Variants in PRKCI observed in about 807,000 individuals in gnomAD.
PRKCI encodes protein kinase C iota type.
PRKCI carries 43 observed loss-of-function variants against 84.0 expected under a neutral mutation model. The observed-to-expected ratio is 0.51, with a 90% CI of 0.40 to 0.66. The LOEUF (loss-of-function observed/expected upper bound fraction) is 0.66, where lower values mean the gene tolerates loss of function less well. Among genes scored for constraint, PRKCI ranks in the 30% least tolerant of loss-of-function variants. The pLI is 0.00. For synonymous variants in PRKCI, 216 were observed against 234.4 expected, an observed-to-expected ratio of 0.92 and a Z score of 0.72; for missense variants, 459 against 745.6, an observed-to-expected ratio of 0.62 and a Z score of 4.48.
chr3:170,254,353 G>A (rs969027781), intron 2 of PRKCI, among the ~76,000 whole-genome samples: 1 of 152,048 alleles, frequency 6.6e-6, no homozygotes, highest in Non-Finnish European at 1.5e-5. Context: ...CTGTGATTGC[G>A]GGGTGCTACT....
chr3:170,232,676 C>T (rs899475688), intron 1 of PRKCI, among the ~76,000 whole-genome samples: 11 of 152,056 alleles, frequency 7.2e-5, no homozygotes, highest in Middle Eastern at 6.8e-3. Context: ...AAATGATTCT[C>T]GTGAGTAGCT....
chr3:170,298,873 A>G (rs1483143855), intron 16 of PRKCI, 122 bp from the exon 17 acceptor site: 2 of 660,848 alleles, frequency 3.0e-6, no homozygotes, highest in East Asian at 3.0e-5. Context: ...CATTGCTAAT[A>G]TCATTGAACC....
chr3:170,242,957 C>T (rs1256543651), intron 2 of PRKCI, among the ~76,000 whole-genome samples: 1 of 151,844 alleles, frequency 6.6e-6, no homozygotes, highest in Non-Finnish European at 1.5e-5. Flanking sequence ...AGGAGTGAGC[C>T]ACTGCGCCCG....
chr3:170,226,266 A>G (rs1732625366), intron 1 of PRKCI, among the ~76,000 whole-genome samples: 1 of 152,180 alleles, frequency 6.6e-6, no homozygotes, highest in South Asian at 2.1e-4. Flanking sequence ...ATTCAATTTT[A>G]TTGGACACCA....
chr3:170,265,033 A>T lies in PRKCI; in HGVS notation c.364+1604A>T, dbSNP rs532476950. On this transcript the variant is annotated intron_variant, in intron 4 of 17. Transcript: ENST00000295797. Reference sequence around the variant, plus strand: ...AAAGCCCATCTCTACTAAAAATACTAAAAAAGTTAGCTGGGTGTGGTGGTG... The same window carrying T: ...AAAGCCCATCTCTACTAAAAATACTTAAAAAGTTAGCTGGGTGTGGTGGTG... Among the ~76,000 whole-genome samples, 10 of 152,024 alleles carry T rather than the reference A, an allele frequency of 6.6e-5. No homozygotes were observed. The East Asian group carries it at 1.9e-3, about 29-fold the overall frequency.
At chr3:170,239,929 C>G (rs779836291) in intron 2 of PRKCI, among the ~76,000 whole-genome samples, 6 of 152,094 alleles carry the variant, frequency 3.9e-5, no homozygotes, top group Non-Finnish European at 8.8e-5. Context: ...AGAAGGATCC[C>G]TTGAGCCCAG....
At chr3:170,287,477 C>T (rs1734424083) in intron 12 of PRKCI, among the ~76,000 whole-genome samples, 1 of 151,636 alleles carries the variant, frequency 6.6e-6, no homozygotes, top group African/African-American at 2.4e-5. Flanking sequence ...GTTTACTTTT[C>T]AGCATTTTTC....
At chr3:170,226,813 C>G (rs918688485) in intron 1 of PRKCI, among the ~76,000 whole-genome samples, 2 of 152,094 alleles carry the variant, frequency 1.3e-5, no homozygotes, top group African/African-American at 4.8e-5. Flanking sequence ...GCTAATTGGT[C>G]TTAGAGCTTC....
intron 8 of PRKCI, among the ~76,000 whole-genome samples, chr3:170,277,727 CTT>C (rs35076108): frequency 4.6e-5 from 7 of 151,660 alleles, no homozygotes; most frequent in Non-Finnish European, 1.0e-4. Flanking sequence ...ACAAATAACA[CTT>C]TTACTGTTTC....
At chr3:170,279,717 C>T (rs1236092696) in intron 8 of PRKCI, among the ~76,000 whole-genome samples, 1 of 152,170 alleles carries the variant, frequency 6.6e-6, no homozygotes, top group African/African-American at 2.4e-5. Context: ...TGAATGTGTG[C>T]TCTCACTAGC....
At chr3:170,284,688 C>T in intron 12 of PRKCI, 92 bp downstream of exon 12, 8 of 1,355,980 alleles carry the variant, frequency 5.9e-6, no homozygotes, top group Non-Finnish European at 8.1e-6. Context: ...GAAATGATTA[C>T]TAATTTTGCT....
chr3:170,259,947 ACTTTACTT>A lies in PRKCI; in HGVS notation c.224-21_224-14del. 6.5e-7 allele frequency: 1 copy of A among 1,527,954 alleles called. No individual in the cohort carries two copies. Among genetic ancestry groups the A allele is most frequent in the Non-Finnish European group, 9.0e-7 (1 of 1,116,996 alleles). 94.6% of individuals were successfully genotyped at this position (1,527,954 alleles called of 1,614,324 possible). ...ATTTAGGGGTTTTAAAGTGACCTTT[ACTTTACTT>A]TTGTGTTTTTTAGGAGACCCGTGTA... On this transcript the variant is annotated splice_polypyrimidine_tract_variant and intron_variant, in intron 2 of 17. Transcript: ENST00000295797.
chr3:170,277,619 A>G (rs945121053), intron 8 of PRKCI, among the ~76,000 whole-genome samples: 2 of 151,278 alleles, frequency 1.3e-5, no homozygotes, highest in African/African-American at 4.9e-5. Context: ...GTGTGAACCC[A>G]GGAGGCGGAG....
chr3:170,296,657 C>G (rs751188260), intron 15 of PRKCI, among the ~76,000 whole-genome samples: 2 of 151,658 alleles, frequency 1.3e-5, no homozygotes, highest in African/African-American at 2.4e-5. Context: ...GAAATTGAAG[C>G]CTTTTAAAAA....
At chr3:170,265,946 A>G (rs1215216934) in intron 4 of PRKCI, among the ~76,000 whole-genome samples, 1 of 152,058 alleles carries the variant, frequency 6.6e-6, no homozygotes, top group Non-Finnish European at 1.5e-5. Context: ...GTATTAAGCT[A>G]TCCTGAGATT....
At chr3:170,257,552 CT>C (rs988333396) in intron 2 of PRKCI, among the ~76,000 whole-genome samples, 1 of 152,168 alleles carries the variant, frequency 6.6e-6, no homozygotes, top group Non-Finnish European at 1.5e-5. Context: ...AACCCTGCCC[CT>C]TTTCCTTTCT....
chr3:170,263,521 G>T, intron 4 of PRKCI, 92 bp downstream of exon 4: 1 of 1,114,748 alleles, frequency 9.0e-7, no homozygotes, highest in Non-Finnish European at 1.3e-6. Context: ...TTAGCTAGGT[G>T]CAGTGGACAG....
At chr3:170,237,247 G>T (rs1308849879) in intron 2 of PRKCI, among the ~76,000 whole-genome samples, 1 of 152,200 alleles carries the variant, frequency 6.6e-6, no homozygotes, top group Non-Finnish European at 1.5e-5. Flanking sequence ...CAGTTTAACA[G>T]GCTCCACGGG....
chr3:170,284,367 A>T, intron 11 of PRKCI, 94 bp from the exon 12 acceptor site: 1 of 1,136,626 alleles, frequency 8.8e-7, no homozygotes, highest in Non-Finnish European at 1.2e-6. Context: ...TGGGAGAAAA[A>T]AATATGTTTT....
Sources: gnomAD v4.1 joint callset for allele counts (sites outside exome capture counted in the v4.1 genomes callset) on GRCh38, gnomAD v4.1.1 for gene constraint, MANE v1.5 for transcripts, NCBI Gene and HGNC (gene_info 2026-07-23, HGNC 2026-07-21) for gene names.